Variants in LMX1B observed in about 807,000 individuals in gnomAD.
LMX1B encodes LIM homeobox transcription factor 1 beta.
A neutral mutation model predicts 51.4 loss-of-function variants in LMX1B; 12 were observed. The observed-to-expected ratio is 0.23, with a 90% CI of 0.15 to 0.38. LMX1B has a LOEUF of 0.38. Ranked by LOEUF, LMX1B falls within the 10% of genes least tolerant of loss-of-function variation. LMX1B has a pLI of 1.00. For synonymous variants in LMX1B, 237 were observed against 235.4 expected, an observed-to-expected ratio of 1.01 and a Z score of -0.06; for missense variants, 445 against 571.1, an observed-to-expected ratio of 0.78 and a Z score of 2.25.
At chr9:126,621,248 G>A (rs911259001) in intron 2 of LMX1B, among the ~76,000 whole-genome samples, 1 of 152,186 alleles carries the variant, frequency 6.6e-6, no homozygotes, top group South Asian at 2.1e-4. Flanking sequence ...GGAAGGGAGG[G>A]ATAGTCTACT....
At chr9:126,686,383 T>C (rs189365116) in intron 2 of LMX1B, among the ~76,000 whole-genome samples, 20 of 152,122 alleles carry the variant, frequency 1.3e-4, no homozygotes, top group African/African-American at 4.8e-4. Flanking sequence ...ATGAGTTTAA[T>C]AAATTGAGCA....
chr9:126,636,091 A>G (rs1835709351), intron 2 of LMX1B, among the ~76,000 whole-genome samples: 1 of 152,280 alleles, frequency 6.6e-6, no homozygotes, highest in Non-Finnish European at 1.5e-5. Flanking sequence ...CCAAGACTGC[A>G]GGCCCCACTC....
chr9:126,696,016 A>ACCCACC lies in LMX1B; in HGVS notation c.1051+16_1051+17insACCCCC. On this transcript the variant is annotated intron_variant, in intron 7 of 7. Transcript: ENST00000373474. Reference sequence around the variant, plus strand: ...ATGAACCCCTATGGTAAGCCGCCCTACCCCCACCCGCCCGCCCCAGCACAG... The same window carrying ACCCACC: ...ATGAACCCCTATGGTAAGCCGCCCTACCCACCCCCCCACCCGCCCGCCCCAGCACAG... 7 of 1,512,690 alleles carry ACCCACC rather than the reference A, an allele frequency of 4.6e-6. No individual in the cohort carries two copies. Among genetic ancestry groups the ACCCACC allele is most frequent in the Non-Finnish European group, 5.3e-6 (6 of 1,131,788 alleles). The allele number at this position is 1,512,690 out of a possible 1,614,324, so 93.7% of individuals were successfully genotyped here.
Position 126,680,835 on chromosome 9 carries a change from C to A in LMX1B, c.327-10001C>A, listed in dbSNP as rs180763367. On this transcript the variant is annotated intron_variant, in intron 2 of 7. Transcript: ENST00000373474. ...GTAAAGCCCTTCGCACAGTGCCTGG[C>A]ACATCATAGCTCGCAGCCTCCCTGA... Among the ~76,000 whole-genome samples, 127 of 152,326 alleles carry A rather than the reference C, an allele frequency of 8.3e-4. 1 individual carries two copies. In the South Asian group the frequency reaches 0.012, roughly 15 times the overall value.
chr9:126,655,328 C>T (rs1836093544), intron 2 of LMX1B, among the ~76,000 whole-genome samples: 1 of 152,120 alleles, frequency 6.6e-6, no homozygotes, highest in Admixed American at 6.5e-5. Flanking sequence ...CCCTAGACCA[C>T]CCCTCCAGCA....
At chr9:126,684,396 A>C (rs1836735582) in intron 2 of LMX1B, among the ~76,000 whole-genome samples, 1 of 152,166 alleles carries the variant, frequency 6.6e-6, no homozygotes, top group African/African-American at 2.4e-5. Flanking sequence ...ACACCTATTA[A>C]GATCCCTCCT....
intron 2 of LMX1B, among the ~76,000 whole-genome samples, chr9:126,621,825 G>T (rs2118839450): frequency 6.6e-6 from 1 of 152,122 alleles, no homozygotes; most frequent in East Asian, 1.9e-4. Context: ...GGGCAGTGAA[G>T]GGCTTGTGTT....
intron 2 of LMX1B, among the ~76,000 whole-genome samples, chr9:126,644,780 G>A (rs1287510065): frequency 1.3e-5 from 2 of 152,180 alleles, no homozygotes; most frequent in African/African-American, 4.8e-5. Flanking sequence ...GTATGTAGTC[G>A]GGGGTTGAAG....
At chr9:126,666,362 C>T (rs1029674456) in intron 2 of LMX1B, among the ~76,000 whole-genome samples, 14 of 152,140 alleles carry the variant, frequency 9.2e-5, no homozygotes, top group African/African-American at 2.7e-4. Flanking sequence ...GTTGAGGCCA[C>T]GGACCTCAGA....
At chr9:126,645,328 G>A (rs577140402) in intron 2 of LMX1B, among the ~76,000 whole-genome samples, 10 of 152,360 alleles carry the variant, frequency 6.6e-5, no homozygotes, top group Admixed American at 1.3e-4. Context: ...ACTCAGACCC[G>A]GAGCCTGTCC....
At chr9:126,653,725 C>T (rs1271303992) in intron 2 of LMX1B, among the ~76,000 whole-genome samples, 1 of 152,138 alleles carries the variant, frequency 6.6e-6, no homozygotes, top group Non-Finnish European at 1.5e-5. Flanking sequence ...GTTGCCCTTT[C>T]ATGACCACAC....
intron 2 of LMX1B, among the ~76,000 whole-genome samples, chr9:126,643,631 G>A (rs1294082234): frequency 6.6e-6 from 1 of 152,156 alleles, no homozygotes; most frequent in East Asian, 1.9e-4. Context: ...AAAAGGGGAT[G>A]TCATTAGTAA....
In LMX1B at chr9:126,693,173, G is replaced by A. The variant is rs146465341; in HGVS notation, c.591G>A (p.Lys197=). The A allele has an allele frequency of 1.5e-5, 24 of 1,597,012 alleles. No individual in the cohort carries two copies. In the African/African-American group the frequency reaches 2.7e-4, roughly 18 times the overall value. ...VKSEDEDGDM[K]PAKGQGSQSK... ...GCGAGGATGAAGATGGGGACATGAA[G>A]CCGGCCAAGGGGCAGGGCAGTCAGA... The change falls in exon 4 of 8, where the codon AAG becomes AAA. Residue 197 remains lysine, a synonymous_variant. Transcript: ENST00000373474.
intron 2 of LMX1B, among the ~76,000 whole-genome samples, chr9:126,627,083 G>T (rs1191348175): frequency 6.6e-6 from 1 of 152,300 alleles, no homozygotes; most frequent in South Asian, 2.1e-4. Context: ...GGTGTCAGAG[G>T]GTTCCTTGGC....
intron 2 of LMX1B, among the ~76,000 whole-genome samples, chr9:126,639,608 C>T (rs1024293516): frequency 6.6e-6 from 1 of 152,216 alleles, no homozygotes; most frequent in East Asian, 1.9e-4. Context: ...AGCGGAGCCC[C>T]CCTGTTATTG....
In LMX1B at chr9:126,618,350, G is replaced by A. The variant is rs1448019738; in HGVS notation, c.326+2781G>A. On this transcript the variant is annotated intron_variant, in intron 2 of 7. Coordinates refer to ENST00000373474, the MANE Select transcript of LMX1B (RefSeq NM_001174147.2). The surrounding 1 kb of genome is among the most constrained non-coding windows in gnomAD (Gnocchi z 4.5). ...GATCCCAGACACCCAGAAGTGCCAA[G>A]TTGTCTTACGCACCACGGGGGTGAT... Among the ~76,000 whole-genome samples the A allele has an allele frequency of 6.6e-6, 1 of 152,180 alleles. No homozygotes were observed. The highest frequency in any genetic ancestry group is 1.5e-5 in the Non-Finnish European group (1 of 68,030).
intron 2 of LMX1B, among the ~76,000 whole-genome samples, chr9:126,655,551 G>A (rs1836100959): frequency 6.6e-6 from 1 of 152,188 alleles, no homozygotes; most frequent in African/African-American, 2.4e-5. Context: ...AGGAGGGAGA[G>A]GTTTCTCCTG....
chr9:126,643,269 G>A (rs1835839910), intron 2 of LMX1B, among the ~76,000 whole-genome samples: 1 of 152,092 alleles, frequency 6.6e-6, no homozygotes, highest in South Asian at 2.1e-4. Context: ...GGAGGAACTG[G>A]GGGTCTCAGG....
At chr9:126,622,159 AG>A (rs1457519825) in intron 2 of LMX1B, among the ~76,000 whole-genome samples, 1 of 151,862 alleles carries the variant, frequency 6.6e-6, no homozygotes. Flanking sequence ...CTCAATTGGG[AG>A]CTTGGCTCGG....
Sources: gnomAD v4.1 joint callset for allele counts (sites outside exome capture counted in the v4.1 genomes callset) on GRCh38, gnomAD v4.1.1 for gene constraint, Gnocchi (gnomAD v3.1) non-coding constraint, MANE v1.5 for transcripts, NCBI Gene and HGNC (gene_info 2026-07-23, HGNC 2026-07-21) for gene names.